TAFA2: variants seen among roughly 807,000 people sequenced by gnomAD.
The protein encoded by TAFA2 is TAFA chemokine like family member 2, also known as chemokine-like protein TAFA-2.
TAFA2 carries 7 observed loss-of-function variants against 18.8 expected under a neutral mutation model. The ratio of observed to expected loss-of-function variants is 0.37; its 90% CI spans 0.21 to 0.70. The LOEUF is 0.70. Among genes scored for constraint, TAFA2 ranks in the 30% least tolerant of loss-of-function variants. The pLI, the probability that TAFA2 is intolerant of heterozygous loss-of-function variation, is 0.53. For synonymous variants in TAFA2, 60 were observed against 54.2 expected (o/e 1.11, Z -0.47); for missense variants, 122 against 158.1 (o/e 0.77, Z 1.23).
At chr12:61,931,785 T>C (rs1429760800) in intron 1 of TAFA2, among the ~76,000 whole-genome samples, 1 of 152,224 alleles carries the variant, frequency 6.6e-6, no homozygotes, top group South Asian at 2.1e-4. Flanking sequence ...TTAATTATCT[T>C]CTTTGGGAAA....
chr12:61,741,981 C>T (rs1416519850), intron 4 of TAFA2, among the ~76,000 whole-genome samples: 1 of 152,106 alleles, frequency 6.6e-6, no homozygotes, highest in Non-Finnish European at 1.5e-5. Context: ...ACTGTAGCCT[C>T]CACCTCCTGG....
intron 4 of TAFA2, among the ~76,000 whole-genome samples, chr12:61,735,174 T>A (rs1245789526): frequency 6.6e-6 from 1 of 152,082 alleles, no homozygotes; most frequent in Non-Finnish European, 1.5e-5. Flanking sequence ...TTAGGCCTTT[T>A]ATAATTAGAA....
In TAFA2 at chr12:62,121,649, G is replaced by T. The variant is rs546962880; in HGVS notation, c.-2+69610C>A. ...ACCTGTTTCAACTATGCTAAGGATAGGACAGCCAACAAATTTGTGAGAAAA... is the reference window on the plus strand; with the variant it reads ...ACCTGTTTCAACTATGCTAAGGATATGACAGCCAACAAATTTGTGAGAAAA... On this transcript the variant is annotated intron_variant, in intron 1 of 4. Coordinates refer to ENST00000416284, the MANE Select transcript of TAFA2 (RefSeq NM_178539.5). Among the ~76,000 whole-genome samples the T allele has an allele frequency of 4.4e-4, 67 of 152,232 alleles. 3 individuals carry two copies. The South Asian group carries it at 7.9e-3, about 18-fold the overall frequency.
intron 1 of TAFA2, among the ~76,000 whole-genome samples, chr12:62,129,576 A>T (rs1012997878): frequency 2.6e-5 from 4 of 152,036 alleles, no homozygotes; most frequent in African/African-American, 9.7e-5. Context: ...TTGTTATCTA[A>T]ATCACCAAAA....
At chr12:61,818,008 C>G (rs1208006293) in intron 2 of TAFA2, among the ~76,000 whole-genome samples, 1 of 152,170 alleles carries the variant, frequency 6.6e-6, no homozygotes, top group Non-Finnish European at 1.5e-5. Context: ...AGCAGACTCT[C>G]CCCAGTGTCC....
chr12:62,092,301 A>G (rs1025072929), intron 1 of TAFA2, among the ~76,000 whole-genome samples: 2 of 151,846 alleles, frequency 1.3e-5, no homozygotes, highest in Non-Finnish European at 2.9e-5. Flanking sequence ...CTCCCCCTGT[A>G]ACTTCATCTT....
rs1218898114 is a variant in TAFA2, at chr12:61,942,305, A to G, written c.-1-74879T>C. Among the ~76,000 whole-genome samples, 1,156 of 147,790 alleles carry G rather than the reference A, an allele frequency of 7.8e-3. 12 individuals are homozygous for G. Among genetic ancestry groups the G allele is most frequent in the African/African-American group, 0.028 (1,114 of 39,566 alleles). On this transcript the variant is annotated intron_variant, in intron 1 of 4. Transcript: ENST00000416284. ...ATCCACACCGAAAACCCATCTGTAC[A>G]TCACCATCATCAAAGACCAAAAGTA...
At chr12:61,866,112 AAAGAAAAGGAG>A (rs1365748227) in intron 2 of TAFA2, among the ~76,000 whole-genome samples, 1 of 152,148 alleles carries the variant, frequency 6.6e-6, no homozygotes, top group African/African-American at 2.4e-5. Context: ...GTGCTGTATT[AAAGAAAAGGAG>A]AAGAAAAAAT....
At chr12:62,254,118 CTGT>C (rs1307758312) in intron 1 of TAFA2, among the ~76,000 whole-genome samples, 2 of 152,106 alleles carry the variant, frequency 1.3e-5, no homozygotes, top group Non-Finnish European at 2.9e-5. Flanking sequence ...TTTAACACAG[CTGT>C]TTATGTTATT....
intron 2 of TAFA2, among the ~76,000 whole-genome samples, chr12:61,841,364 G>T (rs886897741): frequency 5.9e-5 from 9 of 152,042 alleles, no homozygotes; most frequent in African/African-American, 1.7e-4. Context: ...TCAAACAATT[G>T]AAGGATACAA....
intron 2 of TAFA2, among the ~76,000 whole-genome samples, chr12:61,773,459 C>T (rs943594858): frequency 5.9e-5 from 9 of 151,966 alleles, no homozygotes; most frequent in Non-Finnish European, 8.8e-5. Context: ...TCAAACTATA[C>T]TATAAGGCTA....
chr12:61,851,000 A>C (rs1278050983), intron 2 of TAFA2, among the ~76,000 whole-genome samples: 1 of 152,220 alleles, frequency 6.6e-6, no homozygotes, highest in African/African-American at 2.4e-5. Flanking sequence ...GAAATATGAA[A>C]TCTAAACTTC....
chr12:61,865,591 G>A (rs958556815), intron 2 of TAFA2, among the ~76,000 whole-genome samples: 1 of 152,150 alleles, frequency 6.6e-6, no homozygotes, highest in African/African-American at 2.4e-5. Context: ...AATTTATTAT[G>A]TTCAAGGACT....
chr12:62,159,641 A>C (rs188337201), intron 1 of TAFA2, among the ~76,000 whole-genome samples: 16 of 152,138 alleles, frequency 1.1e-4, no homozygotes, highest in Admixed American at 8.5e-4. Flanking sequence ...GATTGGACTG[A>C]GTTTAGGAGC....
At chr12:61,970,011 A>G (rs1267645800) in intron 1 of TAFA2, among the ~76,000 whole-genome samples, 1 of 151,718 alleles carries the variant, frequency 6.6e-6, no homozygotes, top group African/African-American at 2.4e-5. Flanking sequence ...GACAGTCATA[A>G]TAAGAGGCCT....
At chr12:61,978,624 G>A (rs1410248017) in intron 1 of TAFA2, among the ~76,000 whole-genome samples, 1 of 152,010 alleles carries the variant, frequency 6.6e-6, no homozygotes, top group East Asian at 1.9e-4. Flanking sequence ...CAGCATTGAA[G>A]ATAACTTGGA....
intron 1 of TAFA2, among the ~76,000 whole-genome samples, chr12:61,920,236 A>T (rs1876993715): frequency 6.6e-6 from 1 of 152,210 alleles, no homozygotes; most frequent in Non-Finnish European, 1.5e-5. Context: ...AGATCAGCTT[A>T]TGCCACCCCA....
rs902477922 is a variant in TAFA2 at position 62,191,517 on chromosome 12, A to G, written c.-260T>C. Reference sequence around the variant, plus strand: ...GGCAAAGACGGTTCAGGAATCTGACATCCAAGCTGGAATCCCCCTGAAGCG... The same window carrying G: ...GGCAAAGACGGTTCAGGAATCTGACGTCCAAGCTGGAATCCCCCTGAAGCG... On this transcript the variant is annotated 5_prime_UTR_variant, in exon 1 of 5. The change abolishes an upstream ATG in the 5' untranslated region. Coordinates refer to ENST00000416284, the MANE Select transcript of TAFA2 (RefSeq NM_178539.5). 1.3e-5 allele frequency: 2 copies of G among 152,296 alleles called. No homozygotes were observed. Among genetic ancestry groups the G allele is most frequent in the African/African-American group, 4.8e-5 (2 of 41,448 alleles). The allele number at this position is 152,296 out of a possible 1,614,324, so 9.4% of individuals were successfully genotyped here. A position where few individuals can be genotyped will look rare whatever the true frequency, so the allele number is the denominator to read the frequency against.
intron 1 of TAFA2, among the ~76,000 whole-genome samples, chr12:61,877,927 A>ACACACACACACT (rs1874934699): frequency 6.6e-6 from 1 of 151,264 alleles, no homozygotes; most frequent in Non-Finnish European, 1.5e-5. Context: ...ATATATATAC[A>ACACACACACACT]CACACACACA....
Sources: allele counts gnomAD v4.1 joint callset (sites outside exome capture counted in the v4.1 genomes callset), GRCh38; gene constraint gnomAD v4.1.1; transcripts MANE v1.5; gene names NCBI Gene and HGNC (gene_info 2026-07-23, HGNC 2026-07-21).